The following NDE1 variants were observed in gnomAD, a reference collection of about 807,000 sequenced individuals.
NDE1 encodes the protein nudE neurodevelopment protein 1, also known as nuclear distribution protein nudE homolog 1.
A neutral mutation model predicts 43.4 loss-of-function variants in NDE1; 28 were observed. The observed-to-expected ratio is 0.65, with a 90% CI of 0.48 to 0.89. The LOEUF (loss-of-function observed/expected upper bound fraction) is 0.89. NDE1 is among the 40% of genes least tolerant of loss of function. The pLI, the probability that NDE1 is intolerant of heterozygous loss-of-function variation, is 0.00. For synonymous variants in NDE1, 184 were observed against 172.0 expected, an observed-to-expected ratio of 1.07 and a Z score of -0.55; for missense variants, 441 against 434.1, an observed-to-expected ratio of 1.02 and a Z score of -0.14.
At chr16:15,645,193 C>G (rs1267494611) in intron 1 of NDE1, among the ~76,000 whole-genome samples, 2 of 152,118 alleles carry the variant, frequency 1.3e-5, no homozygotes, top group African/African-American at 4.8e-5. Context: ...GATTACAGGG[C>G]TGAGCCAACG....
In NDE1 at chr16:15,704,473, A is replaced by G. The variant is rs148190982; in HGVS notation, c.947+7613A>G. On this transcript the variant is annotated intron_variant, in intron 8 of 8. Transcript: ENST00000396354. ...TGTGGTCTTTGATTTAGAATAGGAA[A>G]AAAACGCCAAAAACCAAGCAGGGGA... Among the ~76,000 whole-genome samples, 735 of 152,318 alleles carry G rather than the reference A, an allele frequency of 4.8e-3. 4 individuals are homozygous for G. The highest frequency in any genetic ancestry group is 6.1e-3 in the Non-Finnish European group (413 of 68,036).
upstream of NDE1, among the ~76,000 whole-genome samples, chr16:15,646,616 C>T (rs2036334794): frequency 6.6e-6 from 1 of 151,982 alleles, no homozygotes; most frequent in East Asian, 1.9e-4. Flanking sequence ...GGGTTAATAC[C>T]AGCTACTTGG....
At chr16:15,643,549 T>C (rs1010750700) in exon 1 of NDE1, 3 of 347,848 alleles carry the variant, frequency 8.6e-6, no homozygotes, top group South Asian at 2.1e-5. Context: ...GGGATTTCAA[T>C]GAAAAACCCT....
chr16:15,719,041 T>C (rs2040322895), intron 8 of NDE1: 2 of 663,650 alleles, frequency 3.0e-6, no homozygotes, highest in South Asian at 3.3e-5. Context: ...GGCAGGAGAA[T>C]TGCTTGAACC....
rs748787897 is a variant in NDE1 at position 15,717,277 on chromosome 16, C to T, written c.948-6914C>T. 6.2e-7 allele frequency: 1 copy of T among 1,613,826 alleles called. No individual in the cohort carries two copies. The highest frequency in any genetic ancestry group is 1.7e-5 in the Admixed American group (1 of 60,024). ...GGAGCTCCTTGTTCTGCCGCTCGAG[C>T]TGCTGCCGGGCACTCTCATTCTTCT... is the stretch of plus-strand genomic sequence containing the variant. On this transcript the variant is annotated intron_variant, in intron 8 of 8. Transcript: ENST00000396354.
Position 15,717,571 on chromosome 16 carries a change from A to G in NDE1, c.948-6620A>G, listed in dbSNP as rs13338902. Reference sequence around the variant, plus strand: ...GCACTTTTGGAAGCAGAGGCAGGTAAATCACTTGAGCTCAGGAGTTCGAGA... The same window carrying G: ...GCACTTTTGGAAGCAGAGGCAGGTAGATCACTTGAGCTCAGGAGTTCGAGA... On this transcript the variant is annotated intron_variant, in intron 8 of 8. Transcript: ENST00000396354. 46,888 of 597,614 alleles carry G rather than the reference A, an allele frequency of 0.078. 3,941 individuals are homozygous for G. Among genetic ancestry groups the G allele is most frequent in the African/African-American group, 0.33 (17,656 of 53,870 alleles). The allele number at this position is 597,614 out of a possible 1,614,324, so 37.0% of individuals were successfully genotyped here. A position where few individuals can be genotyped will look rare whatever the true frequency, so the allele number is the denominator to read the frequency against.
At chr16:15,690,442 C>T (rs1204661339) in intron 5 of NDE1, among the ~76,000 whole-genome samples, 1 of 136,230 alleles carries the variant, frequency 7.3e-6, no homozygotes, top group Non-Finnish European at 1.5e-5. Context: ...ACTGCAGCCT[C>T]GACTTACTGG....
chr16:15,668,769 C>G (rs2037442209), intron 3 of NDE1, among the ~76,000 whole-genome samples: 1 of 152,188 alleles, frequency 6.6e-6, no homozygotes, highest in South Asian at 2.1e-4. Context: ...CAGACCATTT[C>G]CTTCATTACC....
At chr16:15,708,788 C>T (rs376349256) in intron 8 of NDE1, 2 of 1,604,624 alleles carry the variant, frequency 1.2e-6, no homozygotes, top group Non-Finnish European at 1.7e-6. Flanking sequence ...AGCTGCGAAG[C>T]TGAAGGCATG....
intron 8 of NDE1, among the ~76,000 whole-genome samples, chr16:15,708,276 G>A (rs2039575566): frequency 1.3e-5 from 2 of 152,192 alleles, no homozygotes; most frequent in Admixed American, 1.3e-4. Context: ...TGAATCATGG[G>A]AGGACTGGTT....
intron 3 of NDE1, among the ~76,000 whole-genome samples, chr16:15,674,848 C>A (rs1205084163): frequency 1.3e-5 from 2 of 152,188 alleles, no homozygotes; most frequent in Admixed American, 1.3e-4. Flanking sequence ...ACTGGGACTA[C>A]AGGCGACGCC....
In NDE1 at chr16:15,700,304, G is replaced by T. The variant is rs554427755; in HGVS notation, c.947+3444G>T. ...AATAGAGACGGGGTTTTGCCATGTTGCCCAGTGTGGTCTTGAACTCCTGGC... is the reference window on the plus strand; with the variant it reads ...AATAGAGACGGGGTTTTGCCATGTTTCCCAGTGTGGTCTTGAACTCCTGGC... On this transcript the variant is annotated intron_variant, in intron 8 of 8. Coordinates refer to ENST00000396354, the MANE Select transcript of NDE1 (RefSeq NM_017668.3). 4.7e-5 allele frequency: 8 copies of T among 170,820 alleles called. No homozygotes were observed. The South Asian group carries it at 1.2e-3, about 26-fold the overall frequency. The allele number at this position is 170,820 out of a possible 1,614,324, so 10.6% of individuals were successfully genotyped here.
intron 8 of NDE1, among the ~76,000 whole-genome samples, chr16:15,704,748 G>T (rs1193363571): frequency 2.0e-5 from 3 of 152,232 alleles, no homozygotes; most frequent in Non-Finnish European, 2.9e-5. Context: ...AGGGACTGCT[G>T]CATCTGTTTT....
intron 8 of NDE1, chr16:15,715,374 G>T: frequency 1.0e-6 from 1 of 1,003,076 alleles, no homozygotes; most frequent in Non-Finnish European, 1.6e-6. Context: ...CCTGAGCCCC[G>T]TATCTGGACT....
In NDE1 at chr16:15,661,399, C is replaced by T. The variant is rs189762425; in HGVS notation, c.-43-3337C>T. ...TCCTAACCTCGTGATCCACCTGCCTCGGCCTCCCAAAGTGCTGGGATTACA... is the reference window on the plus strand; with the variant it reads ...TCCTAACCTCGTGATCCACCTGCCTTGGCCTCCCAAAGTGCTGGGATTACA... On this transcript the variant is annotated intron_variant, in intron 1 of 8. Coordinates refer to ENST00000396354, the MANE Select transcript of NDE1 (RefSeq NM_017668.3). Among the ~76,000 whole-genome samples, 322 of 152,180 alleles carry T rather than the reference C, an allele frequency of 2.1e-3. 1 individual carries two copies. The highest frequency in any genetic ancestry group is 3.9e-3 in the South Asian group (19 of 4,826).
intron 1 of NDE1, among the ~76,000 whole-genome samples, chr16:15,660,437 C>T (rs1298642327): frequency 6.6e-6 from 1 of 152,062 alleles, no homozygotes; most frequent in Admixed American, 6.6e-5. Flanking sequence ...TGTGTCACTG[C>T]ACTCCAGCTG....
chr16:15,700,771 GT>G (rs2039194617), intron 8 of NDE1, among the ~76,000 whole-genome samples: 1 of 151,976 alleles, frequency 6.6e-6, no homozygotes, highest in Non-Finnish European at 1.5e-5. Context: ...CTTGACAGGT[GT>G]TTTTAATGTC....
Position 15,677,082 on chromosome 16 carries a change from A to G in NDE1, c.238-719A>G, listed in dbSNP as rs531338207. ...AGGTGCTCAGGGGGCAGAGGCACTC[A>G]GGACATAATTAAAACAGTTGGTCCG... is the stretch of plus-strand genomic sequence containing the variant. On this transcript the variant is annotated intron_variant, in intron 3 of 8. Coordinates refer to ENST00000396354, the MANE Select transcript of NDE1 (RefSeq NM_017668.3). Among the ~76,000 whole-genome samples the G allele has an allele frequency of 2.0e-5, 3 of 152,282 alleles. No homozygotes were observed. The South Asian group carries it at 6.2e-4, about 32-fold the overall frequency.
intron 8 of NDE1, chr16:15,708,829 T>G (rs1555548084): frequency 2.5e-6 from 4 of 1,605,788 alleles, no homozygotes; most frequent in Admixed American, 1.7e-5. Flanking sequence ...AAGTTTCCTG[T>G]GGGGGGGGCC....
Sources: allele counts gnomAD v4.1 joint callset (sites outside exome capture counted in the v4.1 genomes callset), GRCh38; gene constraint gnomAD v4.1.1; transcripts MANE v1.5; gene names NCBI Gene and HGNC (gene_info 2026-07-23, HGNC 2026-07-21).